PLOD2: variants seen among roughly 807,000 people sequenced by gnomAD.
PLOD2 encodes the protein lysine hydroxylase 2.
A neutral mutation model predicts 101.0 loss-of-function variants in PLOD2; 65 were observed. The observed-to-expected ratio is 0.64, with a 90% CI of 0.53 to 0.79. The LOEUF (loss-of-function observed/expected upper bound fraction) is 0.79, where lower values mean the gene tolerates loss of function less well. Ranked by LOEUF, PLOD2 falls within the 30% of genes least tolerant of loss-of-function variation. The pLI is 0.00. For synonymous variants in PLOD2, 314 were observed against 302.9 expected (o/e 1.04, Z -0.38); for missense variants, 909 against 914.6 (o/e 0.99, Z 0.08).
At chr3:146,159,455 G>C (rs778576904) in intron 1 of PLOD2, among the ~76,000 whole-genome samples, 4 of 152,102 alleles carry the variant, frequency 2.6e-5, no homozygotes, top group Non-Finnish European at 5.9e-5. Flanking sequence ...GGCCAAAGAG[G>C]CCTCTCTAAA....
chr3:146,119,101 AG>A (rs1938060792), intron 3 of PLOD2, among the ~76,000 whole-genome samples: 1 of 152,096 alleles, frequency 6.6e-6, no homozygotes, highest in Non-Finnish European at 1.5e-5. Context: ...TTGGATCATG[AG>A]GGCAGTTTCT....
chr3:146,098,210 T>TA (rs1359823179), intron 7 of PLOD2, among the ~76,000 whole-genome samples: 1 of 152,190 alleles, frequency 6.6e-6, no homozygotes, highest in African/African-American at 2.4e-5. Context: ...TCCAAGAACT[T>TA]AAAGTAAAAT....
chr3:146,087,519 G>A (rs1442550351), intron 9 of PLOD2, among the ~76,000 whole-genome samples: 5 of 151,842 alleles, frequency 3.3e-5, no homozygotes, highest in Non-Finnish European at 5.9e-5. Flanking sequence ...AGTGTGATTC[G>A]ACTGTGCTAA....
At chr3:146,115,445 A>C (rs6801418) in intron 3 of PLOD2, among the ~76,000 whole-genome samples, 78,363 of 151,806 alleles carry the variant, frequency 0.52, 20,324 homozygotes, top group East Asian at 0.56. Flanking sequence ...TTCTGTGACA[A>C]CATCAACCAC....
At chr3:146,087,411 T>C (rs1936818140) in intron 9 of PLOD2, among the ~76,000 whole-genome samples, 2 of 151,864 alleles carry the variant, frequency 1.3e-5, no homozygotes. Flanking sequence ...TAAATGGTCA[T>C]ATATAAAAAA....
intron 1 of PLOD2, among the ~76,000 whole-genome samples, chr3:146,152,542 T>C (rs2032109556): frequency 6.6e-6 from 1 of 152,192 alleles, no homozygotes; most frequent in Admixed American, 6.5e-5. Flanking sequence ...TTACCACTTG[T>C]CTACCCATGG....
chr3:146,156,586 T>C (rs1355185301), intron 1 of PLOD2, among the ~76,000 whole-genome samples: 1 of 152,266 alleles, frequency 6.6e-6, no homozygotes, highest in Non-Finnish European at 1.5e-5. Context: ...CTGTTTGGGG[T>C]CTGCTAGATT....
intron 3 of PLOD2, among the ~76,000 whole-genome samples, chr3:146,118,992 C>T (rs58437138): frequency 0.01 from 1,565 of 152,272 alleles, 34 homozygotes; most frequent in African/African-American, 0.036. Context: ...ATTACATCAT[C>T]TCAGACCATA....
chr3:146,094,464 T>C (rs1405144676), intron 7 of PLOD2, among the ~76,000 whole-genome samples: 1 of 152,188 alleles, frequency 6.6e-6, no homozygotes, highest in East Asian at 1.9e-4. Flanking sequence ...AGCCAAATTA[T>C]GAGTGAACTT....
At chr3:146,092,385 TAAG>T (rs1215074110) in intron 7 of PLOD2, among the ~76,000 whole-genome samples, 1 of 151,964 alleles carries the variant, frequency 6.6e-6, no homozygotes, top group African/African-American at 2.4e-5. Context: ...AAATACTAAG[TAAG>T]CTTTGTCACC....
At chr3:146,095,569 G>A (rs1310411438) in intron 7 of PLOD2, among the ~76,000 whole-genome samples, 2 of 152,138 alleles carry the variant, frequency 1.3e-5, no homozygotes, top group Non-Finnish European at 2.9e-5. Flanking sequence ...GGATGCTGGT[G>A]AGGATACGGA....
chr3:146,104,445 T>C, intron 5 of PLOD2, 103 bp from the exon 6 acceptor site: 2 of 695,998 alleles, frequency 2.9e-6, no homozygotes, highest in Non-Finnish European at 5.2e-6. Context: ...TAAAGTTTAA[T>C]ATTCTTATAT....
At chr3:146,118,441 T>C (rs6800434) in intron 3 of PLOD2, among the ~76,000 whole-genome samples, 80,626 of 151,964 alleles carry the variant, frequency 0.53, 21,659 homozygotes, top group African/African-American at 0.6. Flanking sequence ...TCATAATTTA[T>C]AACTTTCTTA....
chr3:146,113,033 T>A (rs1248522619), intron 3 of PLOD2, among the ~76,000 whole-genome samples: 1 of 152,150 alleles, frequency 6.6e-6, no homozygotes, highest in Non-Finnish European at 1.5e-5. Flanking sequence ...TGTGAGTGAA[T>A]ATTTTTTGTC....
At chr3:146,128,869 CATCTGAAATCCT>C (rs2030738475) in intron 1 of PLOD2, among the ~76,000 whole-genome samples, 1 of 144,310 alleles carries the variant, frequency 6.9e-6, no homozygotes, top group Non-Finnish European at 1.5e-5. Context: ...TTCTGAAGTC[CATCTGAAATCCT>C]TTTTTTTTTT....
At chr3:146,138,689 G>A (rs907895976) in intron 1 of PLOD2, among the ~76,000 whole-genome samples, 5 of 152,054 alleles carry the variant, frequency 3.3e-5, no homozygotes, top group Non-Finnish European at 7.4e-5. Context: ...GACTGTGCAG[G>A]GCCTAGGAGG....
chr3:146,117,693 T>C (rs1559858091), intron 3 of PLOD2, among the ~76,000 whole-genome samples: 1 of 152,210 alleles, frequency 6.6e-6, no homozygotes, highest in East Asian at 1.9e-4. Flanking sequence ...TCACAGGAGA[T>C]GTCAGAAATT....
At chr3:146,076,505 A>T in intron 15 of PLOD2, 1 of 245,564 alleles carries the variant, frequency 4.1e-6, no homozygotes, top group Non-Finnish European at 7.9e-6. Flanking sequence ...CTGTTTTAAG[A>T]TCTTTGAGAA....
chr3:146,111,181 T>G (rs949636491), intron 3 of PLOD2, among the ~76,000 whole-genome samples: 5 of 152,202 alleles, frequency 3.3e-5, no homozygotes, highest in African/African-American at 9.6e-5. Flanking sequence ...TATCTAAAAT[T>G]TTTCTACTCT....
Sources: gnomAD v4.1 joint callset for allele counts (sites outside exome capture counted in the v4.1 genomes callset) on GRCh38, gnomAD v4.1.1 for gene constraint, MANE v1.5 for transcripts, NCBI Gene and HGNC (gene_info 2026-07-23, HGNC 2026-07-21) for gene names.